TP53BP1: variants seen among roughly 807,000 people sequenced by gnomAD.
The protein encoded by TP53BP1 is TP53-binding protein 1.
Under a neutral mutation model 200.8 loss-of-function variants are expected in TP53BP1, and 61 were observed. The observed-to-expected ratio is 0.30, with a 90% CI of 0.25 to 0.38. The LOEUF is 0.38. Among genes scored for constraint, TP53BP1 ranks in the 10% least tolerant of loss-of-function variants. The pLI is 1.00. For synonymous variants in TP53BP1, 822 were observed against 844.3 expected, an observed-to-expected ratio of 0.97 and a Z score of 0.46; for missense variants, 2,144 against 2,371.9, an observed-to-expected ratio of 0.90 and a Z score of 2.00.
In TP53BP1 at chr15:43,407,530, G is replaced by A. The variant is rs1451924143; in HGVS notation, c.5787C>T (p.Pro1929=). 4 of 1,614,056 alleles carry A rather than the reference G, an allele frequency of 2.5e-6. No homozygotes were observed. Among genetic ancestry groups the A allele is most frequent in the African/African-American group, 1.3e-5 (1 of 74,926 alleles). Residue 1929 remains proline (P), a synonymous_variant, in exon 28 of 28, where the codon CCC becomes CCT. Coordinates refer to ENST00000382044, the MANE Select transcript of TP53BP1 (RefSeq NM_001141980.3). ...ACTTCAGCACCGAGGCTGGGCATGA[G>A]GGGTCCGTCACCACCACATCAAATA... ...LGVFDVVVTD[P]SCPASVLKCA... is the part of the protein sequence containing the mutation.
rs765153218 is a variant in TP53BP1 at position 43,446,460 on chromosome 15, T to C, written c.2967A>G (p.Lys989=). The change falls in exon 14 of 28, where the codon AAA becomes AAG. Residue 989 remains lysine, a synonymous_variant. Coordinates refer to ENST00000382044, the MANE Select transcript of TP53BP1 (RefSeq NM_001141980.3). The stretch of plus-strand genomic sequence containing the variant: ...TAACCAGTTTCATTCTTAGACATAA[T>C]TTATCATCCACGTCTGGGGCAGCCC... ...DSGAAPDVDD[K]LCLRMKLVSP... 3.1e-6 allele frequency: 5 copies of C among 1,614,046 alleles called. No homozygotes were observed. Among genetic ancestry groups the C allele is most frequent in the Non-Finnish European group, 4.2e-6 (5 of 1,180,032 alleles).
chr15:43,490,238 C>G (rs532051301), intron 4 of TP53BP1, among the ~76,000 whole-genome samples: 1 of 152,000 alleles, frequency 6.6e-6, no homozygotes, highest in Middle Eastern at 3.2e-3. Context: ...TACAGGTACC[C>G]GCTACCACAC....
intron 18 of TP53BP1, among the ~76,000 whole-genome samples, chr15:43,425,576 T>A (rs1197181386): frequency 1.3e-5 from 2 of 152,150 alleles, no homozygotes; most frequent in East Asian, 3.9e-4. Context: ...GCTGTGATCA[T>A]ACCACTGCAC....
At chr15:43,412,064 G>A (rs1012748173) in intron 24 of TP53BP1, among the ~76,000 whole-genome samples, 1 of 152,132 alleles carries the variant, frequency 6.6e-6, no homozygotes, top group Non-Finnish European at 1.5e-5. Context: ...CTGATTGTTT[G>A]ACAAGCTAGG....
rs2045018933 is a variant in TP53BP1, at chr15:43,408,881, G to A, written c.5600+16C>T. On this transcript the variant is annotated intron_variant, in intron 26 of 27. Transcript: ENST00000382044. ...CCTCCTGCCTATACAATTCTGGATG[G>A]GCTTCAAATACTTACCAGTCCAGAA... is the stretch of plus-strand genomic sequence containing the variant. 1 of 1,613,432 alleles carries A rather than the reference G, an allele frequency of 6.2e-7. No individual in the cohort carries two copies. Among genetic ancestry groups the A allele is most frequent in the East Asian group, 2.2e-5 (1 of 44,868 alleles).
intron 4 of TP53BP1, among the ~76,000 whole-genome samples, chr15:43,482,018 G>T (rs564819125): frequency 6.6e-6 from 1 of 150,774 alleles, no homozygotes; most frequent in Non-Finnish European, 1.5e-5. Context: ...ACGAGATCAG[G>T]AGATCGAGAC....
At chr15:43,440,097 T>TA (rs2045890236) in intron 15 of TP53BP1, among the ~76,000 whole-genome samples, 1 of 152,236 alleles carries the variant, frequency 6.6e-6, no homozygotes, top group Non-Finnish European at 1.5e-5. Flanking sequence ...AGGTCACATT[T>TA]AGTCCACAGG....
Position 43,479,446 on chromosome 15 carries a change from G to T in TP53BP1, c.739C>A (p.Pro247Thr), listed in dbSNP as rs1272976988. The T allele has an allele frequency of 6.2e-7, 1 of 1,613,594 alleles. No individual in the cohort carries two copies. Among genetic ancestry groups the T allele is most frequent in the African/African-American group, 1.3e-5 (1 of 74,870 alleles). The change falls in exon 7 of 28, where the codon CCC becomes ACC. Residue 247 changes from proline (P) to threonine (T), a missense_variant. This residue lies in a region of TP53BP1 where 1,700 missense variants were observed against 1,710.3 expected (regional missense o/e 0.99). Transcript: ENST00000382044. The stretch of plus-strand genomic sequence containing the variant: ...TTTACAACATGTACATCCTTACTGG[G>T]CTGTGCTGTCACAGGGATGTCCTTG... ...SSKDIPVTAQ[P>T]SKDVHVVKEQ...
At chr15:43,421,199 T>G (rs1182141591) in intron 19 of TP53BP1, 25 bp from the exon 20 acceptor site, 1 of 1,611,372 alleles carries the variant, frequency 6.2e-7, no homozygotes, top group East Asian at 2.2e-5. Flanking sequence ...CAAGTTAGTC[T>G]GATAGCACCT....
intron 11 of TP53BP1, among the ~76,000 whole-genome samples, chr15:43,468,728 C>T (rs1018842649): frequency 1.3e-5 from 2 of 152,096 alleles, no homozygotes; most frequent in African/African-American, 2.4e-5. Flanking sequence ...AAACATCCTA[C>T]GAGGTAGACA....
At position 43,437,828 on chromosome 15, in the gene TP53BP1, T is replaced by C. The variant is rs531514986; in HGVS notation, c.3191+496A>G. On this transcript the variant is annotated intron_variant, in intron 16 of 27. Coordinates refer to ENST00000382044, the MANE Select transcript of TP53BP1 (RefSeq NM_001141980.3). ...TAGCAGTACATCTTAGTCTGTTTTCTGCTGCTATAACAGAATTCCCACCAG... is the reference window on the plus strand; with the variant it reads ...TAGCAGTACATCTTAGTCTGTTTTCCGCTGCTATAACAGAATTCCCACCAG... Among the ~76,000 whole-genome samples the C allele has an allele frequency of 4.2e-4, 64 of 152,350 alleles. 1 individual carries two copies. In the South Asian group the frequency reaches 0.013, roughly 31 times the overall value.
chr15:43,468,317 G>A (rs2046638323), intron 11 of TP53BP1, among the ~76,000 whole-genome samples: 1 of 152,120 alleles, frequency 6.6e-6, no homozygotes, highest in African/African-American at 2.4e-5. Flanking sequence ...GGCTGAGAGA[G>A]GAGGATTGCT....
intron 15 of TP53BP1, among the ~76,000 whole-genome samples, chr15:43,440,956 A>AT (rs2045913179): frequency 6.6e-6 from 1 of 152,216 alleles, no homozygotes; most frequent in Non-Finnish European, 1.5e-5. Context: ...TAGCGTTTTC[A>AT]GGCTGGATGA....
chr15:43,497,513 A>T, upstream of TP53BP1: 1 of 938,930 alleles, frequency 1.1e-6, no homozygotes, highest in Non-Finnish European at 1.3e-6. Context: ...CTTTCTTTCC[A>T]ATTCCTAACT....
chr15:43,420,960 C>T, intron 20 of TP53BP1, 65 bp downstream of exon 20: 4 of 1,550,954 alleles, frequency 2.6e-6, no homozygotes, highest in Non-Finnish European at 3.5e-6. Context: ...ACTCTCTACT[C>T]CCCTCTCCTC....
intron 18 of TP53BP1, 47 bp downstream of exon 18, chr15:43,427,969 A>C (rs200457792): frequency 2.1e-6 from 3 of 1,417,008 alleles, no homozygotes; most frequent in East Asian, 4.7e-5. Context: ...AAAAAAAAAA[A>C]AAAAGAAAGA....
intron 11 of TP53BP1, among the ~76,000 whole-genome samples, chr15:43,461,921 C>T (rs1032338908): frequency 1.3e-5 from 2 of 151,572 alleles, no homozygotes; most frequent in Non-Finnish European, 2.9e-5. Flanking sequence ...TGGTCTGCCT[C>T]GGCCTCCCAA....
At chr15:43,458,748 T>A (rs1205013084) in intron 11 of TP53BP1, among the ~76,000 whole-genome samples, 1 of 151,384 alleles carries the variant, frequency 6.6e-6, no homozygotes, top group Non-Finnish European at 1.5e-5. Context: ...CCACTCACTG[T>A]ACACTAGCCT....
In TP53BP1 at chr15:43,405,922, C is replaced by T. The variant is rs1040607446; in HGVS notation, c.*1461G>A. On this transcript the variant is annotated 3_prime_UTR_variant, in exon 28 of 28. Transcript: ENST00000382044. The stretch of plus-strand genomic sequence containing the variant: ...AGGTGTGGTGGCATGTGCCTGTAAT[C>T]CCAGCTACTCAGGAGGCTGAGACAG... 6.6e-6 allele frequency: 1 copy of T among 151,532 alleles called. No homozygotes were observed. Among genetic ancestry groups the T allele is most frequent in the Non-Finnish European group, 1.5e-5 (1 of 68,032 alleles). 9.4% of individuals were successfully genotyped at this position (151,532 alleles called of 1,614,324 possible).
Sources: gnomAD v4.1 joint callset for allele counts (sites outside exome capture counted in the v4.1 genomes callset) on GRCh38, gnomAD v4.1.1 for gene constraint, gnomAD v4.1.1 regional missense constraint, MANE v1.5 for transcripts, NCBI Gene and HGNC (gene_info 2026-07-23, HGNC 2026-07-21) for gene names.